The following CRPPA variants were observed in gnomAD, a reference collection of about 807,000 sequenced individuals.
CRPPA encodes D-ribitol-5-phosphate cytidylyltransferase.
CRPPA carries 43 observed loss-of-function variants against 52.0 expected under a neutral mutation model. The ratio of observed to expected loss-of-function variants is 0.83; its 90% CI spans 0.65 to 1.07. CRPPA has a LOEUF of 1.07. Among genes scored for constraint, CRPPA ranks in the 50% least tolerant of loss-of-function variants. The pLI is 0.00. For missense variants in CRPPA, 629 were observed against 551.7 expected (o/e 1.14, Z -1.40); for synonymous variants, 250 against 203.5 (o/e 1.23, Z -1.94).
chr7:16,282,545 T>C (rs1784340655), intron 5 of CRPPA, among the ~76,000 whole-genome samples: 1 of 151,998 alleles, frequency 6.6e-6, no homozygotes, highest in Admixed American at 6.6e-5. Context: ...TGAGGCAAAA[T>C]GTAAACAACA....
At chr7:16,136,335 T>C (rs1264947586) in intron 9 of CRPPA, among the ~76,000 whole-genome samples, 2 of 152,210 alleles carry the variant, frequency 1.3e-5, no homozygotes. Context: ...ACTCATTTAA[T>C]ATACTTAATA....
intron 9 of CRPPA, among the ~76,000 whole-genome samples, chr7:16,215,340 A>T (rs2128397981): frequency 6.6e-6 from 1 of 152,362 alleles, no homozygotes; most frequent in South Asian, 2.1e-4. Flanking sequence ...CTATGCACAA[A>T]GGACAAATCC....
chr7:16,147,459 A>G (rs1232254745), intron 9 of CRPPA, among the ~76,000 whole-genome samples: 1 of 152,188 alleles, frequency 6.6e-6, no homozygotes, highest in Non-Finnish European at 1.5e-5. Context: ...TCAGTCACAA[A>G]CAAATCCTTT....
At chr7:16,264,752 A>G (rs1248539474) in intron 6 of CRPPA, among the ~76,000 whole-genome samples, 1 of 152,240 alleles carries the variant, frequency 6.6e-6, no homozygotes, top group Non-Finnish European at 1.5e-5. Flanking sequence ...CTCTGTGAAC[A>G]TGCCAACAAT....
At chr7:16,399,182 G>A (rs903309986) in intron 2 of CRPPA, among the ~76,000 whole-genome samples, 1 of 152,202 alleles carries the variant, frequency 6.6e-6, no homozygotes, top group African/African-American at 2.4e-5. Context: ...GACATGACAC[G>A]ATTCACACGA....
At chr7:16,222,835 A>G (rs1163257682) in intron 8 of CRPPA, among the ~76,000 whole-genome samples, 1 of 152,168 alleles carries the variant, frequency 6.6e-6, no homozygotes, top group Non-Finnish European at 1.5e-5. Context: ...ATACTTCTAC[A>G]TATTTATGGG....
chr7:16,308,412 C>T (rs1000622962), intron 4 of CRPPA, 111 bp downstream of exon 4: 20 of 647,496 alleles, frequency 3.1e-5, no homozygotes, highest in African/African-American at 9.1e-5. Flanking sequence ...GTTCAGTAAA[C>T]CCGTGAGACT....
intron 1 of CRPPA, among the ~76,000 whole-genome samples, chr7:16,412,120 T>TAAATAATTACAAACAGACA (rs1208387577): frequency 1.9e-4 from 29 of 152,282 alleles, no homozygotes; most frequent in African/African-American, 6.7e-4. Context: ...AGAGTAGATG[T>TAAATAATTACAAACAGACA]AAATAATTAC....
At chr7:16,324,985 C>T (rs1386655326) in intron 3 of CRPPA, among the ~76,000 whole-genome samples, 1 of 152,116 alleles carries the variant, frequency 6.6e-6, no homozygotes, top group Non-Finnish European at 1.5e-5. Context: ...CTTGTCATTC[C>T]CTGCCTGCCA....
At chr7:16,099,363 G>A (rs1167675536) in intron 9 of CRPPA, among the ~76,000 whole-genome samples, 1 of 138,282 alleles carries the variant, frequency 7.2e-6, no homozygotes, top group African/African-American at 2.6e-5. Context: ...GGGAAGGGGA[G>A]TGTAGAGGAA....
chr7:16,320,675 T>C (rs994965259), intron 3 of CRPPA, among the ~76,000 whole-genome samples: 34 of 152,272 alleles, frequency 2.2e-4, no homozygotes, highest in Non-Finnish European at 1.0e-4. Flanking sequence ...GCTCACAATG[T>C]TTCAAGTAGA....
At chr7:16,268,586 T>C (rs1035457924) in intron 6 of CRPPA, among the ~76,000 whole-genome samples, 3 of 152,172 alleles carry the variant, frequency 2.0e-5, no homozygotes, top group African/African-American at 7.2e-5. Flanking sequence ...AGGTTCAAAA[T>C]ATTTTAAAAA....
chr7:16,187,968 G>A (rs1355596320), intron 9 of CRPPA, among the ~76,000 whole-genome samples: 1 of 151,852 alleles, frequency 6.6e-6, no homozygotes, highest in Non-Finnish European at 1.5e-5. Context: ...CAGGCTGTAA[G>A]GTGATCTAGT....
chr7:16,222,054 C>T (rs1235161210), intron 8 of CRPPA, among the ~76,000 whole-genome samples: 1 of 149,528 alleles, frequency 6.7e-6, no homozygotes, highest in African/African-American at 2.4e-5. Context: ...CCCAAATGTC[C>T]AACAATGATA....
rs545663821 is a variant in CRPPA, at chr7:16,303,477, T to TAAAAAAAAAAAAAAAAAA, written c.790-2029_790-2012dup. On this transcript the variant is annotated intron_variant, in intron 4 of 9. Coordinates refer to ENST00000407010, the MANE Select transcript of CRPPA (RefSeq NM_001101426.4). The stretch of plus-strand genomic sequence containing the variant: ...GTTTCTGTGTTGAGACATAAAATAG[T>TAAAAAAAAAAAAAAAAAA]AAAAAAAAAAAAAAAAAAAAAAAAA... Among the ~76,000 whole-genome samples, 47 of 44,966 alleles carry TAAAAAAAAAAAAAAAAAA rather than the reference T, an allele frequency of 1.0e-3. 4 individuals carry two copies. Among genetic ancestry groups the TAAAAAAAAAAAAAAAAAA allele is most frequent in the East Asian group, 5.3e-3 (5 of 948 alleles). The allele number at this position is 44,966 out of a possible 152,430, so 29.5% of individuals were successfully genotyped here.
intron 9 of CRPPA, among the ~76,000 whole-genome samples, chr7:16,142,524 T>G (rs566869868): frequency 2.5e-4 from 38 of 152,356 alleles, no homozygotes; most frequent in African/African-American, 8.2e-4. Flanking sequence ...ATAAAACTTT[T>G]AGATGTTGAG....
chr7:16,166,333 G>A (rs1393394424), intron 9 of CRPPA, among the ~76,000 whole-genome samples: 1 of 151,800 alleles, frequency 6.6e-6, no homozygotes, highest in African/African-American at 2.4e-5. Context: ...AGGCTAGAGT[G>A]CAGTGGCATG....
In CRPPA at chr7:16,241,946, CT is replaced by C. The variant is rs71549979; in HGVS notation, c.1119+16443del. Among the ~76,000 whole-genome samples, 276 of 55,394 alleles carry C rather than the reference CT, an allele frequency of 5.0e-3. 1 individual carries two copies. The highest frequency in any genetic ancestry group is 0.013 in the South Asian group (25 of 1,864). 36.3% of individuals were successfully genotyped at this position (55,394 alleles called of 152,430 possible). On this transcript the variant is annotated intron_variant, in intron 8 of 9. Coordinates refer to ENST00000407010, the MANE Select transcript of CRPPA (RefSeq NM_001101426.4). ...TGTTTAATGTAGTTAAAAATCTATT[CT>C]TTTTTTTTTTTTTTTTTTTTTGTTG...
intron 5 of CRPPA, among the ~76,000 whole-genome samples, chr7:16,294,959 T>C (rs1784641590): frequency 6.6e-6 from 1 of 152,044 alleles, no homozygotes; most frequent in Non-Finnish European, 1.5e-5. Context: ...AGTAAAAAAG[T>C]TAAAGGATCG....
Sources: allele counts gnomAD v4.1 joint callset (sites outside exome capture counted in the v4.1 genomes callset), GRCh38; gene constraint gnomAD v4.1.1; transcripts MANE v1.5; gene names NCBI Gene and HGNC (gene_info 2026-07-23, HGNC 2026-07-21).